Variants in UBE2E2 observed in about 807,000 individuals in gnomAD.
The protein encoded by UBE2E2 is ubiquitin-conjugating enzyme E2 E2.
UBE2E2 carries 6 observed loss-of-function variants against 24.7 expected under a neutral mutation model. That is an observed-to-expected ratio of 0.24 (90% CI 0.13 to 0.48). The LOEUF (loss-of-function observed/expected upper bound fraction) is 0.48. UBE2E2 is among the 20% of genes least tolerant of loss of function. The pLI is 0.99. For synonymous variants in UBE2E2, 104 were observed against 83.6 expected, an observed-to-expected ratio of 1.24 and a Z score of -1.33; for missense variants, 169 against 245.0, an observed-to-expected ratio of 0.69 and a Z score of 2.07.
At chr3:23,546,891 C>T (rs989596911) in intron 5 of UBE2E2, among the ~76,000 whole-genome samples, 1 of 152,100 alleles carries the variant, frequency 6.6e-6, no homozygotes, top group Admixed American at 6.6e-5. Flanking sequence ...GTAAAAATAA[C>T]TTTTCTCTAA....
chr3:23,567,077 A>AT (rs920323608), intron 5 of UBE2E2, among the ~76,000 whole-genome samples: 60 of 152,212 alleles, frequency 3.9e-4, no homozygotes, highest in African/African-American at 1.4e-3. Context: ...ATCAGTGAAT[A>AT]TTATTTAGTC....
intron 3 of UBE2E2, among the ~76,000 whole-genome samples, chr3:23,497,715 A>G (rs1034885402): frequency 6.6e-6 from 1 of 152,144 alleles, no homozygotes; most frequent in Non-Finnish European, 1.5e-5. Flanking sequence ...CAATATTTCT[A>G]GGCTAGTGCG....
chr3:23,478,592 A>G (rs1196460559), intron 3 of UBE2E2, among the ~76,000 whole-genome samples: 1 of 152,220 alleles, frequency 6.6e-6, no homozygotes, highest in Non-Finnish European at 1.5e-5. Flanking sequence ...CAAAACCAAA[A>G]AAGTAATATT....
At chr3:23,432,840 T>C (rs7639266) in intron 3 of UBE2E2, among the ~76,000 whole-genome samples, 24,260 of 151,752 alleles carry the variant, frequency 0.16, 2,207 homozygotes, top group East Asian at 0.28. Flanking sequence ...ATTAATAATT[T>C]AATAATAAAC....
chr3:23,339,582 A>G (rs1378571771), intron 3 of UBE2E2, among the ~76,000 whole-genome samples: 1 of 152,164 alleles, frequency 6.6e-6, no homozygotes, highest in East Asian at 1.9e-4. Context: ...TAGAGACCCT[A>G]GTTAAATGTT....
chr3:23,331,917 A>T (rs1173971973), intron 3 of UBE2E2, among the ~76,000 whole-genome samples: 1 of 152,232 alleles, frequency 6.6e-6, no homozygotes, highest in Non-Finnish European at 1.5e-5. Context: ...CAGCAGAAAG[A>T]CAAGAATTTA....
intron 3 of UBE2E2, among the ~76,000 whole-genome samples, chr3:23,360,110 A>G (rs965656867): frequency 6.6e-6 from 1 of 152,176 alleles, no homozygotes; most frequent in Non-Finnish European, 1.5e-5. Flanking sequence ...GAAAGGCCCC[A>G]TAATAGATGA....
At chr3:23,483,204 C>T (rs932208945) in intron 3 of UBE2E2, among the ~76,000 whole-genome samples, 4 of 152,104 alleles carry the variant, frequency 2.6e-5, no homozygotes, top group Non-Finnish European at 4.4e-5. Flanking sequence ...TTTCAGTGCT[C>T]GTCTAGGTTT....
chr3:23,269,174 A>G (rs1028225351), intron 3 of UBE2E2, among the ~76,000 whole-genome samples: 3 of 152,156 alleles, frequency 2.0e-5, no homozygotes, highest in Non-Finnish European at 4.4e-5. Flanking sequence ...CACCAAAAGC[A>G]TGGCAACAAA....
intron 3 of UBE2E2, among the ~76,000 whole-genome samples, chr3:23,259,534 T>C (rs1697838817): frequency 6.6e-6 from 1 of 151,152 alleles, no homozygotes; most frequent in African/African-American, 2.4e-5. Flanking sequence ...TATACCTGTG[T>C]AACAAACCTA....
chr3:23,484,341 C>T lies in UBE2E2; in HGVS notation c.228-15267C>T, dbSNP rs1026558890. On this transcript the variant is annotated intron_variant, in intron 3 of 5. Coordinates refer to ENST00000396703, the MANE Select transcript of UBE2E2 (RefSeq NM_152653.4). ...GGACTTGTTCAAACCATATACTTAT[C>T]CTGAGAGAACCTAATGTTTCTTTTT... 5.3e-5 allele frequency among the ~76,000 whole-genome samples: 8 copies of T among 152,268 alleles called. No homozygotes were observed. In the East Asian group the frequency reaches 1.5e-3, roughly 29 times the overall value.
At chr3:23,534,493 A>C (rs561113499) in intron 5 of UBE2E2, among the ~76,000 whole-genome samples, 2 of 152,320 alleles carry the variant, frequency 1.3e-5, no homozygotes, top group East Asian at 3.9e-4. Context: ...AAAACCAAAG[A>C]CAGCCTGCCT....
intron 4 of UBE2E2, among the ~76,000 whole-genome samples, chr3:23,531,291 G>A (rs547569356): frequency 3.3e-5 from 5 of 152,062 alleles, no homozygotes; most frequent in Non-Finnish European, 7.4e-5. Context: ...TGAACATAGG[G>A]TACCAAAAGA....
intron 3 of UBE2E2, among the ~76,000 whole-genome samples, chr3:23,437,255 C>T (rs1198108758): frequency 6.6e-6 from 1 of 152,174 alleles, no homozygotes; most frequent in Non-Finnish European, 1.5e-5. Flanking sequence ...TTTCAGGTCT[C>T]ATTGCAACTA....
At chr3:23,571,135 T>C (rs1696209771) in intron 5 of UBE2E2, among the ~76,000 whole-genome samples, 1 of 151,976 alleles carries the variant, frequency 6.6e-6, no homozygotes, top group South Asian at 2.1e-4. Flanking sequence ...TTAAGTATTT[T>C]CTATGTTTGT....
At chr3:23,557,364 A>C (rs560935775) in intron 5 of UBE2E2, among the ~76,000 whole-genome samples, 12 of 152,056 alleles carry the variant, frequency 7.9e-5, no homozygotes, top group Non-Finnish European at 1.6e-4. Flanking sequence ...TCATTCATTC[A>C]TTTTCCAGCT....
intron 3 of UBE2E2, among the ~76,000 whole-genome samples, chr3:23,293,308 G>C (rs1419333390): frequency 6.6e-6 from 1 of 152,156 alleles, no homozygotes; most frequent in Non-Finnish European, 1.5e-5. Context: ...TAATACATGT[G>C]AAAACCATTA....
chr3:23,299,917 C>CTAA (rs1699023786), intron 3 of UBE2E2, among the ~76,000 whole-genome samples: 1 of 152,108 alleles, frequency 6.6e-6, no homozygotes, highest in Admixed American at 6.5e-5. Flanking sequence ...GTGTGGGAGT[C>CTAA]TAAGTCTCTT....
intron 3 of UBE2E2, among the ~76,000 whole-genome samples, chr3:23,338,723 A>T (rs1193873622): frequency 6.6e-6 from 1 of 152,202 alleles, no homozygotes; most frequent in African/African-American, 2.4e-5. Flanking sequence ...AATTAGGGAC[A>T]CTTTGAGCAC....
Sources: allele counts gnomAD v4.1 joint callset (sites outside exome capture counted in the v4.1 genomes callset), GRCh38; gene constraint gnomAD v4.1.1; transcripts MANE v1.5; gene names NCBI Gene and HGNC (gene_info 2026-07-23, HGNC 2026-07-21).